Variants in FAM217B observed in about 807,000 individuals in gnomAD.
FAM217B encodes protein FAM217B.
For missense variants in FAM217B, 463 were observed against 456.9 expected (o/e 1.01, Z -0.12); for synonymous variants, 163 against 173.0 (o/e 0.94, Z 0.45).
chr20:59,942,036 C>T (rs958240557), intron 1 of FAM217B, 162 bp from the exon 2 acceptor site: 1 of 152,288 alleles, frequency 6.6e-6, no homozygotes, highest in Non-Finnish European at 1.5e-5. Context: ...CAATGTCTCC[C>T]TTCCCCAGTA....
Position 59,944,943 on chromosome 20 carries a change from G to A in FAM217B, c.1000G>A (p.Asp334Asn). 6 of 1,614,190 alleles carry A rather than the reference G, an allele frequency of 3.7e-6. No individual in the cohort carries two copies. The highest frequency in any genetic ancestry group is 4.2e-6 in the Non-Finnish European group (5 of 1,180,040). ...TCCCAAACAGGCAGCTGTGATTCTG[G>A]ACTCAGCAGATTCCTGTAAGGCCTC... ...RVPKQAAVIL[D>N]SADSCKASKT... is the part of the protein sequence containing the mutation. The change falls in exon 4 of 4, where the codon GAC (aspartate) becomes AAC (asparagine). Residue 334 changes from aspartate to asparagine, a missense_variant. Asp to Asn is a conservative substitution (Grantham distance 23). Transcript: ENST00000360816.
chr20:59,944,940 C>A lies in FAM217B; in HGVS notation c.997C>A (p.Leu333Met). 1 of 1,614,192 alleles carries A rather than the reference C, an allele frequency of 6.2e-7. No individual in the cohort carries two copies. The highest frequency in any genetic ancestry group is 8.5e-7 in the Non-Finnish European group (1 of 1,180,038). Residue 333 changes from leucine to methionine, a missense_variant, in exon 4 of 4, where the codon CTG becomes ATG. Leu to Met is a conservative substitution (Grantham distance 15). Coordinates refer to ENST00000360816, the MANE Select transcript of FAM217B (RefSeq NM_022106.3). The part of the protein sequence containing the change: ...IRVPKQAAVI[L>M]DSADSCKASK... ...AGTTCCCAAACAGGCAGCTGTGATT[C>A]TGGACTCAGCAGATTCCTGTAAGGC...
chr20:59,935,781 G>T (rs959956469), upstream of FAM217B, among the ~76,000 whole-genome samples: 20 of 152,144 alleles, frequency 1.3e-4, no homozygotes, highest in African/African-American at 4.8e-4. Flanking sequence ...TCAAAAAAGA[G>T]AAATATCATA....
upstream of FAM217B, among the ~76,000 whole-genome samples, chr20:59,935,772 CAA>C (rs1467978728): frequency 2.6e-5 from 4 of 152,044 alleles, no homozygotes; most frequent in Non-Finnish European, 5.9e-5. Context: ...GACCTTCTCT[CAA>C]AAAAGAGAAA....
chr20:59,936,781 T>C (rs1221767515), upstream of FAM217B: 1 of 152,214 alleles, frequency 6.6e-6, no homozygotes, highest in Non-Finnish European at 1.5e-5. Context: ...TGGTCTTCTG[T>C]AATTAGGCCA....
rs189650523 is a variant in FAM217B at position 59,944,887 on chromosome 20, C to T, written c.944C>T (p.Ser315Phe). The T allele has an allele frequency of 9.3e-6, 15 of 1,614,164 alleles. No homozygotes were observed. The African/African-American group carries it at 1.3e-4, about 14-fold the overall frequency. The change falls in exon 4 of 4, where the codon TCT (serine) becomes TTT (phenylalanine). Residue 315 changes from serine to phenylalanine, a missense_variant. Physicochemically the swap from Ser to Phe is radical, Grantham distance 155 (BLOSUM62 -2). Transcript: ENST00000360816. ...GATCTGTCCGGCAGTGGAAGCAGCT[C>T]TAAGGTGGAAACCAGCGGTCACATT... Reference protein sequence around the residue: ...RWDLSGSGSSSKVETSGHIRV... With the variant: ...RWDLSGSGSSFKVETSGHIRV...
At chr20:59,939,490 G>A (rs555670934), upstream of FAM217B, 2 of 1,612,246 alleles carry the variant, frequency 1.2e-6, no homozygotes, top group African/African-American at 2.7e-5. Context: ...GTGAACTCCA[G>A]GTCCTGGCTG....
chr20:59,942,621 T>C (rs1222065791), intron 3 of FAM217B, 109 bp downstream of exon 3: 2 of 152,188 alleles, frequency 1.3e-5, no homozygotes, highest in Admixed American at 6.5e-5. Context: ...ATAAGAAATA[T>C]ACATTTATAA....
intron 3 of FAM217B, among the ~76,000 whole-genome samples, chr20:59,943,203 A>G (rs1468376850): frequency 6.6e-6 from 1 of 152,206 alleles, no homozygotes; most frequent in Non-Finnish European, 1.5e-5. Context: ...ATTAGTTTCT[A>G]TACTCATAAT....
rs2060928303 is a variant in FAM217B at position 59,944,875 on chromosome 20, G to A, written c.932G>A (p.Ser311Asn). The A allele has an allele frequency of 1.2e-6, 2 of 1,614,094 alleles. No homozygotes were observed. Among genetic ancestry groups the A allele is most frequent in the South Asian group, 1.1e-5 (1 of 91,086 alleles). The change falls in exon 4 of 4, where the codon AGT (serine) becomes AAT (asparagine). Residue 311 changes from serine to asparagine, a missense_variant. By Grantham distance (46) the Ser-to-Asn change is conservative. Transcript: ENST00000360816. ...CTGCAGCGCTGGGATCTGTCCGGCA[G>A]TGGAAGCAGCTCTAAGGTGGAAACC... The part of the protein sequence containing the change: ...TKLQRWDLSG[S>N]GSSSKVETSG...
intron 3 of FAM217B, 27 bp from the exon 4 acceptor site, chr20:59,943,913 A>G: frequency 6.5e-7 from 1 of 1,531,760 alleles, no homozygotes; most frequent in South Asian, 1.3e-5. Context: ...CATATGTGGT[A>G]AGAATTGCAG....
chr20:59,945,019 G>A lies in FAM217B; in HGVS notation c.1076G>A (p.Cys359Tyr). ...HPRKKGKAES[C>Y]GHATVSSEKK... ...AGGAAAAAGGGAAAGGCAGAGAGCT[G>A]TGGTCATGCCACTGTATCGAGTGAG... Residue 359 changes from cysteine (C) to tyrosine (Y), a missense_variant, in exon 4 of 4, where the codon TGT (cysteine) becomes TAT (tyrosine). Cys to Tyr is a radical substitution (Grantham distance 194). Transcript: ENST00000360816. The A allele has an allele frequency of 2.5e-6, 4 of 1,614,150 alleles. No homozygotes were observed. Among genetic ancestry groups the A allele is most frequent in the Non-Finnish European group, 3.4e-6 (4 of 1,180,012 alleles).
upstream of FAM217B, chr20:59,940,097 C>T: frequency 2.2e-6 from 1 of 462,956 alleles, no homozygotes; most frequent in Non-Finnish European, 3.7e-6. Context: ...CCTTGCTCCT[C>T]GAGTCCTTGT....
upstream of FAM217B, chr20:59,940,339 T>TCCGCC (rs1158747162): frequency 6.4e-6 from 1 of 157,408 alleles, no homozygotes; most frequent in Non-Finnish European, 1.5e-5. Flanking sequence ...CTAGCGAGCC[T>TCCGCC]CCGCCCCGCC....
intron 1 of FAM217B, among the ~76,000 whole-genome samples, chr20:59,940,934 A>C (rs2060901058): frequency 6.6e-6 from 1 of 152,202 alleles, no homozygotes; most frequent in Admixed American, 6.5e-5. Context: ...GGGGAACAAG[A>C]GTTATTACCC....
chr20:59,941,639 G>A (rs2060905770), intron 1 of FAM217B, among the ~76,000 whole-genome samples: 3 of 152,178 alleles, frequency 2.0e-5, no homozygotes, highest in Admixed American at 6.5e-5. Flanking sequence ...TATGTAATAT[G>A]TATGAATATA....
In FAM217B at chr20:59,946,167, C is replaced by G. The variant is rs2060935885; in HGVS notation, c.*1072C>G. The stretch of plus-strand genomic sequence containing the variant: ...TATGAGTAAGGTTGCTGAATGAATT[C>G]TAAACTCGCTTATCTGGTCTTCAGG... On this transcript the variant is annotated 3_prime_UTR_variant, in exon 4 of 4. Transcript: ENST00000360816. The G allele has an allele frequency of 6.0e-6, 1 of 167,050 alleles. No individual in the cohort carries two copies. Among genetic ancestry groups the G allele is most frequent in the South Asian group, 2.1e-4 (1 of 4,824 alleles). The allele number at this position is 167,050 out of a possible 1,614,324, so 10.3% of individuals were successfully genotyped here. A position where few individuals can be genotyped will look rare whatever the true frequency, so the allele number is the denominator to read the frequency against.
upstream of FAM217B, chr20:59,938,783 C>A (rs952637225): frequency 2.0e-5 from 7 of 354,664 alleles, no homozygotes; most frequent in Non-Finnish European, 3.0e-5. Context: ...ACCTACCCCA[C>A]CACCCTGCCC....
chr20:59,935,604 C>G (rs1188994877), upstream of FAM217B, among the ~76,000 whole-genome samples: 1 of 151,996 alleles, frequency 6.6e-6, no homozygotes, highest in Non-Finnish European at 1.5e-5. Flanking sequence ...CCTATCTCTA[C>G]AAAAAAACAA....
Sources: allele counts gnomAD v4.1 joint callset (sites outside exome capture counted in the v4.1 genomes callset), GRCh38; gene constraint gnomAD v4.1.1; transcripts MANE v1.5; gene names NCBI Gene and HGNC (gene_info 2026-07-23, HGNC 2026-07-21).